Variants in EHMT1 observed in about 807,000 individuals in gnomAD.
EHMT1 encodes euchromatic histone lysine methyltransferase 1.
Under a neutral mutation model 147.2 loss-of-function variants are expected in EHMT1, and 15 were observed. The observed-to-expected ratio is 0.10, with a 90% CI of 0.07 to 0.16. The LOEUF (loss-of-function observed/expected upper bound fraction) is 0.16, where lower values mean the gene tolerates loss of function less well. Among genes scored for constraint, EHMT1 ranks in the 10% least tolerant of loss-of-function variants. The pLI is 1.00. For synonymous variants in EHMT1, 795 were observed against 709.6 expected, an observed-to-expected ratio of 1.12 and a Z score of -1.91; for missense variants, 1,587 against 1,772.4, an observed-to-expected ratio of 0.90 and a Z score of 1.88.
intron 2 of EHMT1, chr9:137,715,454 G>A (rs1406589857): frequency 5.2e-5 from 43 of 828,206 alleles, no homozygotes; most frequent in Admixed American, 6.2e-5. Flanking sequence ...AACGTCCTCG[G>A]GTGGAAGGAC....
At chr9:137,631,251 G>C (rs1288452991) in intron 1 of EHMT1, among the ~76,000 whole-genome samples, 1 of 152,044 alleles carries the variant, frequency 6.6e-6, no homozygotes, top group Non-Finnish European at 1.5e-5. Context: ...AATTAGCCGG[G>C]CGTGATGGCG....
At position 137,780,522 on chromosome 9, in the gene EHMT1, G is replaced by A. The variant is rs562848094; in HGVS notation, c.2275+805G>A. On this transcript the variant is annotated intron_variant, in intron 14 of 26. Transcript: ENST00000460843. Reference sequence around the variant, plus strand: ...CTGAGACGTGTGGTGATGACGCTGGGATGTGTGGTGATGACGCTGAGATGT... The same window carrying A: ...CTGAGACGTGTGGTGATGACGCTGGAATGTGTGGTGATGACGCTGAGATGT... Among the ~76,000 whole-genome samples, 327 of 136,994 alleles carry A rather than the reference G, an allele frequency of 2.4e-3. 12 individuals are homozygous for A. Among genetic ancestry groups the A allele is most frequent in the Admixed American group, 0.021 (277 of 12,992 alleles). The allele number at this position is 136,994 out of a possible 152,430, so 89.9% of individuals were successfully genotyped here.
chr9:137,778,135 T>G (rs1951101204), intron 13 of EHMT1, 80 bp downstream of exon 13: 4 of 1,545,876 alleles, frequency 2.6e-6, no homozygotes, highest in African/African-American at 1.4e-5. Flanking sequence ...ATGGTGTCAC[T>G]TTAGCACTTC....
chr9:137,835,004 G>T lies in EHMT1; in HGVS notation c.*51G>T. 1 of 1,363,310 alleles carries T rather than the reference G, an allele frequency of 7.3e-7. No homozygotes were observed. Among genetic ancestry groups the T allele is most frequent in the Non-Finnish European group, 9.4e-7 (1 of 1,065,120 alleles). The allele number at this position is 1,363,310 out of a possible 1,614,324, so 84.5% of individuals were successfully genotyped here. On this transcript the variant is annotated 3_prime_UTR_variant, in exon 27 of 27. Transcript: ENST00000460843. Reference sequence around the variant, plus strand: ...GGGAGCCAGGGACCGCCGCGTCGCCGATTAGAGGACGAGGAGGAGAGATTC... The same window carrying T: ...GGGAGCCAGGGACCGCCGCGTCGCCTATTAGAGGACGAGGAGGAGAGATTC...
intron 18 of EHMT1, among the ~76,000 whole-genome samples, chr9:137,802,095 G>C (rs915614329): frequency 6.6e-6 from 1 of 152,364 alleles, no homozygotes; most frequent in East Asian, 1.9e-4. Context: ...GCCTGAGAGT[G>C]GCAGCAGGTG....
intron 18 of EHMT1, chr9:137,802,869 A>G (rs917100928): frequency 1.1e-5 from 14 of 1,232,166 alleles, no homozygotes; most frequent in East Asian, 6.3e-5. Context: ...TGACGGCACC[A>G]TGAAGAGAGG....
intron 9 of EHMT1, among the ~76,000 whole-genome samples, chr9:137,758,678 C>T (rs1474143813): frequency 6.6e-6 from 1 of 152,180 alleles, no homozygotes; most frequent in Non-Finnish European, 1.5e-5. Context: ...CCCCACAGAT[C>T]TTACTGGTGT....
At chr9:137,814,781 G>A (rs760625371) in intron 22 of EHMT1, 3 of 587,970 alleles carry the variant, frequency 5.1e-6, no homozygotes, top group African/African-American at 1.9e-5. Flanking sequence ...GCGTCAGCCT[G>A]GCTTGGCCCC....
chr9:137,755,947 G>A (rs529945513), intron 8 of EHMT1, among the ~76,000 whole-genome samples: 3 of 152,322 alleles, frequency 2.0e-5, no homozygotes, highest in African/African-American at 7.2e-5. Flanking sequence ...CTGGAGACAA[G>A]TCTTTTATCA....
rs530578459 is a variant in EHMT1, at chr9:137,730,499, C to T, written c.823+1970C>T. ...GAGATGGGGGTCTCGCTATGTTGCC[C>T]AGGCTGGTCTTGAACTCGTGGGCTC... On this transcript the variant is annotated intron_variant, in intron 4 of 26. Coordinates refer to ENST00000460843, the MANE Select transcript of EHMT1 (RefSeq NM_024757.5). Among the ~76,000 whole-genome samples, 3 of 152,262 alleles carry T rather than the reference C, an allele frequency of 2.0e-5. No individual in the cohort carries two copies. In the East Asian group the frequency reaches 5.8e-4, roughly 29 times the overall value.
intron 25 of EHMT1, 139 bp downstream of exon 25, chr9:137,818,277 C>A: frequency 2.1e-6 from 2 of 953,052 alleles, no homozygotes; most frequent in East Asian, 2.6e-5. Context: ...CTGCTGAGTG[C>A]CGCATTTGGA....
At chr9:137,669,646 C>T (rs1940296828) in intron 1 of EHMT1, among the ~76,000 whole-genome samples, 1 of 151,914 alleles carries the variant, frequency 6.6e-6, no homozygotes, top group Admixed American at 6.6e-5. Context: ...TCACTTTTTG[C>T]TCTCTTCGGA....
rs2133040469 is a variant in EHMT1, at chr9:137,828,632, C to CA, written c.3541-5716dup. Among the ~76,000 whole-genome samples, 1 of 152,286 alleles carries CA rather than the reference C, an allele frequency of 6.6e-6. No individual in the cohort carries two copies. Among genetic ancestry groups the CA allele is most frequent in the South Asian group, 2.1e-4 (1 of 4,824 alleles). On this transcript the variant is annotated intron_variant, in intron 25 of 26. Transcript: ENST00000460843. This position sits in a 1 kb window ranked among gnomAD's most constrained non-coding sequence, Gnocchi z 5.3. ...CCCGGGCAGCCACAGATCCCACACT[C>CA]ACGGCCCAAGTGACGCTTGGTGCAG... is the stretch of plus-strand genomic sequence containing the variant.
intron 1 of EHMT1, among the ~76,000 whole-genome samples, chr9:137,700,818 A>G (rs943789676): frequency 4.6e-5 from 7 of 152,186 alleles, no homozygotes; most frequent in Non-Finnish European, 7.3e-5. Context: ...TTGTTTTACT[A>G]TAAAAAATGC....
intron 1 of EHMT1, among the ~76,000 whole-genome samples, chr9:137,658,834 A>G (rs1350154087): frequency 6.6e-6 from 1 of 151,904 alleles, no homozygotes. Flanking sequence ...TGTGTTGCCC[A>G]GGCTGGTCTC....
intron 1 of EHMT1, among the ~76,000 whole-genome samples, chr9:137,657,608 A>G (rs2134029831): frequency 6.6e-6 from 1 of 152,016 alleles, no homozygotes; most frequent in South Asian, 2.1e-4. Flanking sequence ...TACAGTGCAT[A>G]ACAATCACAC....
intron 1 of EHMT1, among the ~76,000 whole-genome samples, chr9:137,682,046 A>G (rs948845235): frequency 2.0e-5 from 3 of 151,408 alleles, no homozygotes; most frequent in African/African-American, 7.3e-5. Context: ...TGCCTCCCGG[A>G]TTCACACCAT....
intron 22 of EHMT1, 29 bp from the exon 23 acceptor site, chr9:137,815,918 C>T (rs763311713): frequency 1.3e-6 from 2 of 1,552,796 alleles, no homozygotes; most frequent in Non-Finnish European, 8.8e-7. Context: ...GTAACCTCTG[C>T]TGGGCCCTTG....
intron 4 of EHMT1, among the ~76,000 whole-genome samples, chr9:137,729,884 C>T (rs911911676): frequency 6.6e-6 from 1 of 152,238 alleles, no homozygotes; most frequent in African/African-American, 2.4e-5. Context: ...CGACGCCGCT[C>T]TCTAATCTCA....
Sources: allele counts gnomAD v4.1 joint callset (sites outside exome capture counted in the v4.1 genomes callset), GRCh38; gene constraint gnomAD v4.1.1; non-coding constraint Gnocchi (gnomAD v3.1); transcripts MANE v1.5; gene names NCBI Gene and HGNC (gene_info 2026-07-23, HGNC 2026-07-21).